TBC1D14: variants seen among roughly 807,000 people sequenced by gnomAD.
TBC1D14 encodes TBC1 domain family, member 14.
Under a neutral mutation model 79.0 loss-of-function variants are expected in TBC1D14, and 26 were observed. The observed-to-expected ratio is 0.33, with a 90% CI of 0.24 to 0.46. The LOEUF is 0.46. TBC1D14 is among the 20% of genes least tolerant of loss of function. The probability of loss-of-function intolerance (pLI) is 1.00; values close to 1 mark genes in which losing one functional copy is unlikely to be tolerated. For synonymous variants in TBC1D14, 394 were observed against 349.9 expected (o/e 1.13, Z -1.40); for missense variants, 769 against 887.6 (o/e 0.87, Z 1.70).
intron 4 of TBC1D14, among the ~76,000 whole-genome samples, chr4:6,995,008 C>G (rs1191299110): frequency 6.6e-6 from 1 of 152,106 alleles, no homozygotes; most frequent in Non-Finnish European, 1.5e-5. Flanking sequence ...CGTTTTCATG[C>G]TCTGAAAGGT....
At chr4:6,985,519 T>C (rs1717741996) in intron 3 of TBC1D14, among the ~76,000 whole-genome samples, 1 of 152,222 alleles carries the variant, frequency 6.6e-6, no homozygotes, top group African/African-American at 2.4e-5. Flanking sequence ...TGTACACACA[T>C]ATATGCGTAA....
chr4:6,946,398 T>C (rs1713467092), intron 2 of TBC1D14, among the ~76,000 whole-genome samples: 1 of 152,172 alleles, frequency 6.6e-6, no homozygotes, highest in Non-Finnish European at 1.5e-5. Context: ...AATGGTGCAA[T>C]CTTGGCTCAC....
At chr4:6,954,570 C>G (rs956357353) in intron 2 of TBC1D14, among the ~76,000 whole-genome samples, 3 of 151,334 alleles carry the variant, frequency 2.0e-5, no homozygotes, top group Non-Finnish European at 1.5e-5. Flanking sequence ...ATCTCATGCC[C>G]ACTGCACTTC....
In TBC1D14 at chr4:7,018,566, G is replaced by A. The variant is rs201873708; in HGVS notation, c.1757+4009G>A. On this transcript the variant is annotated intron_variant, in intron 12 of 13. Coordinates refer to ENST00000409757, the MANE Select transcript of TBC1D14 (RefSeq NM_020773.3). ...CTCAGTGTCCTAGGTCAAAGAATGC[G>A]TCTGTGCCTGAGGGTCACCTTCCTC... 7.2e-5 allele frequency among the ~76,000 whole-genome samples: 11 copies of A among 152,316 alleles called. No individual in the cohort carries two copies. The East Asian group carries it at 7.7e-4, about 11-fold the overall frequency.
intron 7 of TBC1D14, 135 bp from the exon 8 acceptor site, chr4:7,004,707 TTA>T: frequency 5.8e-6 from 4 of 691,584 alleles, no homozygotes; most frequent in Admixed American, 2.9e-5. Context: ...GGGGAATTGT[TTA>T]AGTAGCCTGT....
At chr4:6,919,712 C>T (rs916300060) in intron 1 of TBC1D14, among the ~76,000 whole-genome samples, 43 of 152,244 alleles carry the variant, frequency 2.8e-4, no homozygotes, top group African/African-American at 1.0e-3. Flanking sequence ...CCTCCGCCTC[C>T]TGGGTTCAAG....
intron 12 of TBC1D14, among the ~76,000 whole-genome samples, chr4:7,018,152 C>T (rs892602826): frequency 4.6e-5 from 7 of 152,256 alleles, no homozygotes; most frequent in African/African-American, 1.4e-4. Flanking sequence ...CCACCTTTCC[C>T]AGAGACACGT....
chr4:7,000,674 G>A (rs532961435), intron 6 of TBC1D14, among the ~76,000 whole-genome samples: 43 of 152,300 alleles, frequency 2.8e-4, no homozygotes, highest in African/African-American at 8.7e-4. Flanking sequence ...ACATCTGGGC[G>A]CTGGGCCTGT....
Position 6,957,067 on chromosome 4 carries a change from C to T in TBC1D14, c.723-10237C>T, listed in dbSNP as rs568375616. Among the ~76,000 whole-genome samples, 26 of 152,358 alleles carry T rather than the reference C, an allele frequency of 1.7e-4. No individual in the cohort carries two copies. In the East Asian group the frequency reaches 1.7e-3, roughly 10 times the overall value. On this transcript the variant is annotated intron_variant, in intron 2 of 13. Transcript: ENST00000409757. ...GGTTGCACCGTGCTGGGAGCCACAT[C>T]GCTTGCTGTGTGCTCCTCTTGAGGG... is the stretch of plus-strand genomic sequence containing the variant.
At chr4:6,988,562 C>T (rs1416414025) in intron 3 of TBC1D14, among the ~76,000 whole-genome samples, 1 of 152,232 alleles carries the variant, frequency 6.6e-6, no homozygotes, top group African/African-American at 2.4e-5. Context: ...TGATAGGTAC[C>T]ACTCGGATGG....
intron 12 of TBC1D14, among the ~76,000 whole-genome samples, chr4:7,020,134 C>G (rs1721686149): frequency 6.6e-6 from 1 of 150,810 alleles, no homozygotes; most frequent in African/African-American, 2.4e-5. Flanking sequence ...CTCCTCTGGC[C>G]TTAGGTTGGG....
Position 6,926,484 on chromosome 4 carries a change from CTCT to C in TBC1D14, c.722+2378_722+2380del, listed in dbSNP as rs1301065577. 2.6e-5 allele frequency among the ~76,000 whole-genome samples: 4 copies of C among 152,354 alleles called. No homozygotes were observed. The East Asian group carries it at 7.7e-4, about 29-fold the overall frequency. ...GCTTTGTGCTGCAGGAAACAAGTGT[CTCT>C]TCTTTTATTCCTTGGTTCCTTATCC... On this transcript the variant is annotated intron_variant, in intron 2 of 13. Transcript: ENST00000409757.
chr4:7,020,912 G>T (rs999760062), intron 12 of TBC1D14, among the ~76,000 whole-genome samples: 3 of 152,176 alleles, frequency 2.0e-5, no homozygotes, highest in South Asian at 2.1e-4. Flanking sequence ...TGGAAAAGAC[G>T]ATTGTACCTC....
intron 2 of TBC1D14, among the ~76,000 whole-genome samples, chr4:6,930,360 C>G (rs1711609987): frequency 6.6e-6 from 1 of 152,154 alleles, no homozygotes; most frequent in African/African-American, 2.4e-5. Context: ...GGGTTGGTGG[C>G]CTTTGTGGGC....
intron 2 of TBC1D14, among the ~76,000 whole-genome samples, chr4:6,934,140 G>C (rs1712065815): frequency 6.6e-6 from 1 of 152,060 alleles, no homozygotes; most frequent in South Asian, 2.1e-4. Context: ...TTGACTTGTT[G>C]GCATTGGAGG....
chr4:6,963,275 T>G (rs943266539), intron 2 of TBC1D14, among the ~76,000 whole-genome samples: 2 of 152,250 alleles, frequency 1.3e-5, no homozygotes, highest in South Asian at 4.1e-4. Context: ...TCAGAGATGG[T>G]GGCTATGGCC....
intron 3 of TBC1D14, among the ~76,000 whole-genome samples, chr4:6,976,043 A>G (rs1260195947): frequency 6.6e-6 from 1 of 152,252 alleles, no homozygotes. Flanking sequence ...CAGTGAGCCG[A>G]GATCGTGCCA....
At chr4:6,911,521 A>G (rs1291574157) in intron 1 of TBC1D14, among the ~76,000 whole-genome samples, 3 of 152,044 alleles carry the variant, frequency 2.0e-5, no homozygotes, top group South Asian at 2.1e-4. Context: ...CCCCCAGCCT[A>G]CCCTCTCACA....
intron 1 of TBC1D14, among the ~76,000 whole-genome samples, chr4:6,917,192 T>C (rs1248406175): frequency 6.6e-6 from 1 of 152,224 alleles, no homozygotes; most frequent in African/African-American, 2.4e-5. Flanking sequence ...TGGCTGGGAC[T>C]GTCCCTGGAA....
Sources: allele counts gnomAD v4.1 joint callset (sites outside exome capture counted in the v4.1 genomes callset), GRCh38; gene constraint gnomAD v4.1.1; transcripts MANE v1.5; gene names NCBI Gene and HGNC (gene_info 2026-07-23, HGNC 2026-07-21).